SMAD2: variants seen among roughly 807,000 people sequenced by gnomAD.
SMAD2 encodes the protein MAD homolog 2.
SMAD2 carries 8 observed loss-of-function variants against 64.4 expected under a neutral mutation model. That is an observed-to-expected ratio of 0.12 (90% confidence interval 0.07 to 0.22). SMAD2 has a LOEUF of 0.22. SMAD2 is among the 10% of genes least tolerant of loss of function. The probability of loss-of-function intolerance (pLI) is 1.00; values close to 1 mark genes in which losing one functional copy is unlikely to be tolerated. For missense variants in SMAD2, 289 were observed against 561.2 expected (o/e 0.51, Z 4.90); for synonymous variants, 203 against 195.8 (o/e 1.04, Z -0.31).
At chr18:47,857,935 T>C (rs1245574051) in intron 6 of SMAD2, among the ~76,000 whole-genome samples, 1 of 152,216 alleles carries the variant, frequency 6.6e-6, no homozygotes, top group East Asian at 1.9e-4. Context: ...GGTAGGGAAC[T>C]GACCCTCCCT....
rs1433649732 is a variant in SMAD2, at chr18:47,829,211, A to C, written c.*12616T>G. ...CTACAAGGAATTTCAAACTTATCTA[A>C]AAGGAAATAGAATACAACAAAGCTC... is the stretch of plus-strand genomic sequence containing the variant. On this transcript the variant is annotated 3_prime_UTR_variant, in exon 11 of 11. Coordinates refer to ENST00000262160, the MANE Select transcript of SMAD2 (RefSeq NM_005901.6). 1 of 152,154 alleles carries C rather than the reference A, an allele frequency of 6.6e-6. No homozygotes were observed. The highest frequency in any genetic ancestry group is 2.4e-5 in the African/African-American group (1 of 41,448). The allele number at this position is 152,154 out of a possible 1,614,324, so 9.4% of individuals were successfully genotyped here. A position where few individuals can be genotyped will look rare whatever the true frequency, so the allele number is the denominator to read the frequency against.
chr18:47,866,652 GTGTT>G (rs1411141864), intron 5 of SMAD2, among the ~76,000 whole-genome samples: 1 of 152,036 alleles, frequency 6.6e-6, no homozygotes, highest in East Asian at 1.9e-4. Context: ...TTATCTTACT[GTGTT>G]TATTTTTTCC....
intron 7 of SMAD2, among the ~76,000 whole-genome samples, chr18:47,850,389 A>T (rs1258836817): frequency 0.015 from 181 of 11,694 alleles, no homozygotes; most frequent in East Asian, 0.023. Context: ...ATATTATATA[A>T]TATATATTAT....
At chr18:47,904,985 C>T (rs929496982) in intron 1 of SMAD2, among the ~76,000 whole-genome samples, 8 of 152,162 alleles carry the variant, frequency 5.3e-5, no homozygotes, top group African/African-American at 1.9e-4. Flanking sequence ...GTTACCCTTT[C>T]TATTCAGTAA....
At chr18:47,920,075 TC>T (rs993404691) in intron 1 of SMAD2, 25 of 152,200 alleles carry the variant, frequency 1.6e-4, no homozygotes, top group Admixed American at 1.6e-3. Context: ...TTCTCACAGT[TC>T]CGGAGGCTGC....
In SMAD2 at chr18:47,834,057, T is replaced by C. The variant is rs907221929; in HGVS notation, c.*7770A>G. The C allele has an allele frequency of 1.4e-5, 3 of 218,286 alleles. No homozygotes were observed. The highest frequency in any genetic ancestry group is 2.8e-5 in the Non-Finnish European group (3 of 108,864). 13.5% of individuals were successfully genotyped at this position (218,286 alleles called of 1,614,324 possible). A position where few individuals can be genotyped will look rare whatever the true frequency, so the allele number is the denominator to read the frequency against. On this transcript the variant is annotated 3_prime_UTR_variant, in exon 11 of 11. Coordinates refer to ENST00000262160, the MANE Select transcript of SMAD2 (RefSeq NM_005901.6). The stretch of plus-strand genomic sequence containing the variant: ...ACCACCATACTGGTACCTTCAGCTA[T>C]TACCTGTGTTATAAATCTCATGTTC...
intron 2 of SMAD2, 41 bp from the exon 3 acceptor site, chr18:47,870,605 G>T: frequency 8.2e-7 from 1 of 1,224,922 alleles, no homozygotes; most frequent in Non-Finnish European, 1.2e-6. Context: ...TGTGAACATG[G>T]AAGCATGGTT....
intron 1 of SMAD2, among the ~76,000 whole-genome samples, chr18:47,919,082 CA>C (rs2034450952): frequency 6.6e-6 from 1 of 151,514 alleles, no homozygotes; most frequent in Non-Finnish European, 1.5e-5. Flanking sequence ...TTAAAGTTTC[CA>C]AGGAGGAAAA....
intron 4 of SMAD2, 32 bp from the exon 5 acceptor site, chr18:47,868,489 C>T (rs1048802274): frequency 1.6e-5 from 26 of 1,596,776 alleles, no homozygotes; most frequent in Non-Finnish European, 2.2e-5. Flanking sequence ...AAGTTAATGG[C>T]AAAGAGCAAA....
intron 2 of SMAD2, among the ~76,000 whole-genome samples, chr18:47,872,776 C>T (rs969324881): frequency 1.8e-4 from 28 of 152,254 alleles, no homozygotes; most frequent in Middle Eastern, 3.4e-3. Context: ...ACGTCTTTAT[C>T]CCAAAACCAT....
intron 2 of SMAD2, among the ~76,000 whole-genome samples, chr18:47,889,931 T>TA (rs1237577231): frequency 6.6e-6 from 1 of 152,242 alleles, no homozygotes; most frequent in Non-Finnish European, 1.5e-5. Flanking sequence ...CATCAGGTGT[T>TA]ACATGATAAA....
chr18:47,873,563 C>T (rs1028036970), intron 2 of SMAD2, among the ~76,000 whole-genome samples: 2 of 152,148 alleles, frequency 1.3e-5, no homozygotes, highest in Admixed American at 6.5e-5. Flanking sequence ...ATAATTAAAA[C>T]AGTATGCAAT....
At chr18:47,896,932 A>C in intron 1 of SMAD2, 123 bp from the exon 2 acceptor site, 1 of 825,496 alleles carries the variant, frequency 1.2e-6, no homozygotes, top group Admixed American at 2.2e-5. Context: ...TTCCCAATAG[A>C]CTTCTCCACC....
intron 7 of SMAD2, among the ~76,000 whole-genome samples, chr18:47,850,633 TTA>T (rs1452488712): frequency 4.3e-5 from 2 of 46,762 alleles, no homozygotes; most frequent in Non-Finnish European, 6.9e-5. Flanking sequence ...TATATATATA[TTA>T]TATATATTAT....
intron 6 of SMAD2, among the ~76,000 whole-genome samples, chr18:47,857,238 A>G (rs1313215690): frequency 6.6e-6 from 1 of 152,244 alleles, no homozygotes; most frequent in African/African-American, 2.4e-5. Context: ...AATGGTAGAA[A>G]TAAGAGATTA....
At position 47,833,684 on chromosome 18, in the gene SMAD2, C is replaced by T; in HGVS notation, c.*8143G>A. 1 of 231,168 alleles carries T rather than the reference C, an allele frequency of 4.3e-6. No individual in the cohort carries two copies. The highest frequency in any genetic ancestry group is 8.6e-6 in the Non-Finnish European group (1 of 116,650). The allele number at this position is 231,168 out of a possible 1,614,324, so 14.3% of individuals were successfully genotyped here. On this transcript the variant is annotated 3_prime_UTR_variant, in exon 11 of 11. Coordinates refer to ENST00000262160, the MANE Select transcript of SMAD2 (RefSeq NM_005901.6). Reference sequence around the variant, plus strand: ...AACTGCTCAGTCTGCATCAGGACACCCAATTCCTTCACTTGCCATTGGCTG... The same window carrying T: ...AACTGCTCAGTCTGCATCAGGACACTCAATTCCTTCACTTGCCATTGGCTG...
Position 47,829,156 on chromosome 18 carries a change from T to G in SMAD2, c.*12671A>C, listed in dbSNP as rs78801295. 1.1e-4 allele frequency: 17 copies of G among 152,212 alleles called. No individual in the cohort carries two copies. The East Asian group carries it at 3.3e-3, about 29-fold the overall frequency. The allele number at this position is 152,212 out of a possible 1,614,324, so 9.4% of individuals were successfully genotyped here. On this transcript the variant is annotated 3_prime_UTR_variant, in exon 11 of 11. Transcript: ENST00000262160. The stretch of plus-strand genomic sequence containing the variant: ...AGGCTTCCTAGAGAAGACGTGGCAA[T>G]GCACCTGATGGAGACGTTTAATTTC...
At chr18:47,916,751 T>C (rs2034353460) in intron 1 of SMAD2, among the ~76,000 whole-genome samples, 2 of 152,216 alleles carry the variant, frequency 1.3e-5, no homozygotes, top group South Asian at 4.1e-4. Flanking sequence ...AAGTTTCTAA[T>C]TCTTATTAAG....
intron 2 of SMAD2, among the ~76,000 whole-genome samples, chr18:47,878,737 T>C (rs887110702): frequency 1.3e-5 from 2 of 152,220 alleles, no homozygotes; most frequent in African/African-American, 2.4e-5. Flanking sequence ...GATACTTCCA[T>C]GAACAAGCTT....
Sources: allele counts gnomAD v4.1 joint callset (sites outside exome capture counted in the v4.1 genomes callset), GRCh38; gene constraint gnomAD v4.1.1; transcripts MANE v1.5; gene names NCBI Gene and HGNC (gene_info 2026-07-23, HGNC 2026-07-21).